Variants in SP140L observed in about 807,000 individuals in gnomAD.
SP140L encodes nuclear body protein SP140-like protein.
Under a neutral mutation model 84.3 loss-of-function variants are expected in SP140L, and 64 were observed. That is an observed-to-expected ratio of 0.76 (90% CI 0.62 to 0.94). The LOEUF is 0.94. SP140L is among the 40% of genes least tolerant of loss of function. The probability of loss-of-function intolerance (pLI) is 0.00; values close to 1 mark genes in which losing one functional copy is unlikely to be tolerated. For synonymous variants in SP140L, 242 were observed against 236.9 expected (o/e 1.02, Z -0.20); for missense variants, 628 against 692.5 (o/e 0.91, Z 1.05).
Position 230,357,793 on chromosome 2 carries a change from CT to C in SP140L, c.108-7del. 1.9e-6 allele frequency: 3 copies of C among 1,592,806 alleles called. No homozygotes were observed. Among genetic ancestry groups the C allele is most frequent in the Non-Finnish European group, 2.6e-6 (3 of 1,172,486 alleles). On this transcript the variant is annotated splice_polypyrimidine_tract_variant and intron_variant, in intron 2 of 18. Coordinates refer to ENST00000415673, the MANE Select transcript of SP140L (RefSeq NM_138402.6). Reference sequence around the variant, plus strand: ...TTGATGACCATTTTCATTTGGTGTCCTTTTTCCTTAGGCTGTTCACGGAAGA... The same window carrying C: ...TTGATGACCATTTTCATTTGGTGTCCTTTTCCTTAGGCTGTTCACGGAAGA...
At chr2:230,332,500 C>T (rs1376773986) in intron 2 of SP140L, among the ~76,000 whole-genome samples, 1 of 152,216 alleles carries the variant, frequency 6.6e-6, no homozygotes, top group Non-Finnish European at 1.5e-5. Context: ...TCCCCTAACA[C>T]TCCTTTTCAT....
At chr2:230,359,775 T>C (rs990176102) in intron 4 of SP140L, among the ~76,000 whole-genome samples, 4 of 152,224 alleles carry the variant, frequency 2.6e-5, no homozygotes, top group African/African-American at 9.6e-5. Context: ...ATTAGGTTTC[T>C]AGAATAATGA....
chr2:230,396,564 CAGGTTTCAGTTTGCTTACATA>C (rs1333956338), intron 13 of SP140L, among the ~76,000 whole-genome samples, 172 bp from the exon 14 acceptor site: 1 of 152,208 alleles, frequency 6.6e-6, no homozygotes, highest in East Asian at 1.9e-4. Context: ...CTGTTTACAT[CAGGTTTCAGTTTGCTTACATA>C]GGAAATTAAA....
At chr2:230,369,960 G>A (rs997751973) in intron 5 of SP140L, among the ~76,000 whole-genome samples, 1 of 149,066 alleles carries the variant, frequency 6.7e-6, no homozygotes, top group African/African-American at 2.6e-5. Context: ...TTTTAGTAGA[G>A]ACAGAGTTTC....
intron 5 of SP140L, among the ~76,000 whole-genome samples, chr2:230,363,521 G>GT (rs60055886): frequency 0.69 from 100,736 of 146,544 alleles, 35,077 homozygotes; most frequent in East Asian, 0.99. Context: ...ATTTGTTTTT[G>GT]TTTTTTTTTT....
At chr2:230,356,556 C>A (rs2060554844) in intron 2 of SP140L, among the ~76,000 whole-genome samples, 1 of 152,216 alleles carries the variant, frequency 6.6e-6, no homozygotes, top group Admixed American at 6.5e-5. Flanking sequence ...TAAATGACAG[C>A]AATGGTTGCC....
intron 4 of SP140L, among the ~76,000 whole-genome samples, chr2:230,359,709 A>C (rs2060654564): frequency 6.6e-6 from 1 of 152,210 alleles, no homozygotes; most frequent in Admixed American, 6.5e-5. Flanking sequence ...GCAAACAGTC[A>C]TGGGTCATTT....
chr2:230,329,739 A>T (rs1413982951), intron 2 of SP140L, among the ~76,000 whole-genome samples: 1 of 152,174 alleles, frequency 6.6e-6, no homozygotes, highest in Non-Finnish European at 1.5e-5. Context: ...GTGCCAATTA[A>T]ACCTCTTTCG....
intron 18 of SP140L, among the ~76,000 whole-genome samples, chr2:230,402,098 AAAGAG>A (rs2062369754): frequency 6.6e-6 from 1 of 152,206 alleles, no homozygotes; most frequent in Non-Finnish European, 1.5e-5. Context: ...TGCAGCATAT[AAAGAG>A]AAGAGAATTT....
At chr2:230,343,312 TTATAA>T (rs2060115559) in intron 2 of SP140L, among the ~76,000 whole-genome samples, 1 of 147,856 alleles carries the variant, frequency 6.8e-6, no homozygotes, top group Non-Finnish European at 1.5e-5. Context: ...CCGCTCCCAC[TTATAA>T]GTTAGAACAT....
At chr2:230,328,568 T>C (rs796107901) in intron 1 of SP140L, among the ~76,000 whole-genome samples, 189 bp from the exon 2 acceptor site, 9 of 152,350 alleles carry the variant, frequency 5.9e-5, no homozygotes, top group African/African-American at 2.2e-4. Flanking sequence ...CATTCTCCAA[T>C]TGAAGGACAT....
rs1263532998 is a variant in SP140L at position 230,328,827 on chromosome 2, C to A, written c.103C>A (p.Gln35Lys). The A allele has an allele frequency of 6.2e-7, 1 of 1,607,202 alleles. No individual in the cohort carries two copies. The highest frequency in any genetic ancestry group is 1.7e-5 in the Admixed American group (1 of 59,252). Residue 35 changes from glutamine to lysine, a missense_variant, in exon 2 of 19, where the codon CAA becomes AAA. Gln to Lys is a moderately conservative substitution (Grantham distance 53, BLOSUM62 1). Coordinates refer to ENST00000415673, the MANE Select transcript of SP140L (RefSeq NM_138402.6). ...TCTTCCTGCACACAGCCAAAGTCTG[C>A]AAAGGTGATGAAGAATTACAATTTG... ...NHLPAHSQSL[Q>K]RLFTEDQDVD...
chr2:230,390,278 G>T (rs1026778002), intron 11 of SP140L, among the ~76,000 whole-genome samples: 8 of 152,208 alleles, frequency 5.3e-5, no homozygotes, highest in Non-Finnish European at 1.0e-4. Context: ...ATTCACAGAT[G>T]GAAAATGTCA....
chr2:230,343,692 A>C (rs989047902), intron 2 of SP140L, among the ~76,000 whole-genome samples: 4 of 152,230 alleles, frequency 2.6e-5, no homozygotes, highest in African/African-American at 7.2e-5. Context: ...TTACACTCCC[A>C]AAAACAGTGT....
chr2:230,400,670 C>T (rs912619602), intron 15 of SP140L: 3 of 623,430 alleles, frequency 4.8e-6, no homozygotes, highest in African/African-American at 3.7e-5. Context: ...ACAGGCCTGG[C>T]AGGCAGGACT....
intron 5 of SP140L, among the ~76,000 whole-genome samples, chr2:230,365,639 T>C (rs188879176): frequency 2.6e-5 from 4 of 152,050 alleles, no homozygotes; most frequent in Non-Finnish European, 5.9e-5. Context: ...TTATTTCTGA[T>C]CTAATATTTA....
At chr2:230,399,427 G>A (rs2062206954) in intron 14 of SP140L, among the ~76,000 whole-genome samples, 1 of 152,204 alleles carries the variant, frequency 6.6e-6, no homozygotes, top group Non-Finnish European at 1.5e-5. Flanking sequence ...CTTCAACACT[G>A]TATGGTACTG....
rs1192344580 is a variant in SP140L at position 230,371,582 on chromosome 2, A to G, written c.584-16A>G. On this transcript the variant is annotated splice_polypyrimidine_tract_variant and intron_variant, in intron 6 of 18. Transcript: ENST00000415673. ...TATTAATTTCTGTTTCCTCACTACC[A>G]CTTGTTATTTTCTAGATACTGTGGA... 6.3e-7 allele frequency: 1 copy of G among 1,586,758 alleles called. No individual in the cohort carries two copies. Among genetic ancestry groups the G allele is most frequent in the Admixed American group, 1.8e-5 (1 of 57,078 alleles).
chr2:230,348,964 CAG>C (rs376299899), intron 2 of SP140L, among the ~76,000 whole-genome samples: 85 of 152,354 alleles, frequency 5.6e-4, no homozygotes, highest in African/African-American at 2.0e-3. Flanking sequence ...AAACTAAGCA[CAG>C]AGTCATTTGT....
Sources: gnomAD v4.1 joint callset for allele counts (sites outside exome capture counted in the v4.1 genomes callset) on GRCh38, gnomAD v4.1.1 for gene constraint, MANE v1.5 for transcripts, NCBI Gene and HGNC (gene_info 2026-07-23, HGNC 2026-07-21) for gene names.